GNG10: variants seen among roughly 807,000 people sequenced by gnomAD.
The protein encoded by GNG10 is guanine nucleotide-binding protein G(I)/G(S)/G(O) subunit gamma-10.
Under a neutral mutation model 6.8 loss-of-function variants are expected in GNG10, and 7 were observed. The ratio of observed to expected loss-of-function variants is 1.02; its 90% CI spans 0.58 to 1.92. The LOEUF is 1.92. GNG10 is among the 30% of genes most tolerant of loss of function. The probability of loss-of-function intolerance (pLI) is 0.00; values close to 1 mark genes in which losing one functional copy is unlikely to be tolerated. For synonymous variants in GNG10, 28 were observed against 34.8 expected, an observed-to-expected ratio of 0.80 and a Z score of 0.69; for missense variants, 57 against 86.1, an observed-to-expected ratio of 0.66 and a Z score of 1.34.
intron 1 of GNG10, among the ~76,000 whole-genome samples, chr9:111,664,398 T>C (rs1196851952): frequency 6.6e-6 from 1 of 152,154 alleles, no homozygotes; most frequent in Non-Finnish European, 1.5e-5. Context: ...CAGAGGTGTC[T>C]TCTCTTTGAC....
chr9:111,668,208 C>G (rs1361661458), intron 2 of GNG10, among the ~76,000 whole-genome samples: 1 of 151,990 alleles, frequency 6.6e-6, no homozygotes, highest in Non-Finnish European at 1.5e-5. Flanking sequence ...CTTTTGGGAC[C>G]AACATATTTC....
chr9:111,662,402 G>A (rs1830837661), intron 1 of GNG10, among the ~76,000 whole-genome samples: 1 of 152,040 alleles, frequency 6.6e-6, no homozygotes, highest in African/African-American at 2.4e-5. Context: ...CGAGAGAAGA[G>A]GAAATAAGAG....
At chr9:111,663,126 G>A (rs113692134) in intron 1 of GNG10, among the ~76,000 whole-genome samples, 1,731 of 152,286 alleles carry the variant, frequency 0.011, 39 homozygotes, top group African/African-American at 0.039. Context: ...CTTGTATGGT[G>A]ACACTTTTCT....
chr9:111,663,961 C>T (rs893937465), intron 1 of GNG10, among the ~76,000 whole-genome samples: 7 of 151,066 alleles, frequency 4.6e-5, no homozygotes, highest in East Asian at 1.9e-4. Flanking sequence ...GCTGGGATTA[C>T]GGGCACCTGC....
At chr9:111,664,145 G>A (rs768121372) in intron 1 of GNG10, among the ~76,000 whole-genome samples, 1 of 152,046 alleles carries the variant, frequency 6.6e-6, no homozygotes, top group Non-Finnish European at 1.5e-5. Context: ...GGAAAGATGT[G>A]CTTATCTACC....
Position 111,666,801 on chromosome 9 carries a change from TC to T in GNG10, c.82-11del. 6.2e-7 allele frequency: 1 copy of T among 1,611,442 alleles called. No individual in the cohort carries two copies. The highest frequency in any genetic ancestry group is 1.3e-5 in the African/African-American group (1 of 74,988). ...CTGTGAGCAGGGTGCCATGTTGCTG[TC>T]CCTTTGTTTCAGGTCTCTCAGGCAG... On this transcript the variant is annotated splice_polypyrimidine_tract_variant and intron_variant, in intron 1 of 2. Transcript: ENST00000374293.
Position 111,669,992 on chromosome 9 carries a change from A to C in GNG10, c.*730A>C, listed in dbSNP as rs1008488947. Reference sequence around the variant, plus strand: ...TGCTTTGTAGTTGTGGCTGTACTTAAAGAAATACAGAATTTCATATATTTA... The same window carrying C: ...TGCTTTGTAGTTGTGGCTGTACTTACAGAAATACAGAATTTCATATATTTA... On this transcript the variant is annotated 3_prime_UTR_variant, in exon 3 of 3. Transcript: ENST00000374293. The C allele has an allele frequency of 2.7e-5, 4 of 150,216 alleles. No homozygotes were observed. Among genetic ancestry groups the C allele is most frequent in the African/African-American group, 9.9e-5 (4 of 40,422 alleles). 9.3% of individuals were successfully genotyped at this position (150,216 alleles called of 1,614,324 possible).
rs889688154 is a variant in GNG10, at chr9:111,669,657, A to T, written c.*395A>T. ...AAGGAAAATAGTTTTGTTTATTTAA[A>T]CAACTGAATACTTATAAACTGTTGT... On this transcript the variant is annotated 3_prime_UTR_variant, in exon 3 of 3. Coordinates refer to ENST00000374293, the MANE Select transcript of GNG10 (RefSeq NM_001017998.4). The T allele has an allele frequency of 3.3e-5, 4 of 121,546 alleles. No individual in the cohort carries two copies. The Admixed American group carries it at 3.7e-4, about 11-fold the overall frequency. The allele number at this position is 121,546 out of a possible 1,614,324, so 7.5% of individuals were successfully genotyped here.
intron 1 of GNG10, among the ~76,000 whole-genome samples, chr9:111,665,310 G>A (rs940700920): frequency 6.6e-6 from 1 of 152,044 alleles, no homozygotes. Context: ...TAATGATATT[G>A]TATCAGTTAG....
chr9:111,666,957 A>G lies in GNG10; in HGVS notation c.*6+11A>G. ...TTACTCTGAAGACTCGTGAGTAATG[A>G]TACACCATGATGTCTTGGGCCCATA... On this transcript the variant is annotated intron_variant, in intron 2 of 2. Transcript: ENST00000374293. The G allele has an allele frequency of 6.2e-7, 1 of 1,613,922 alleles. No homozygotes were observed. Among genetic ancestry groups the G allele is most frequent in the South Asian group, 1.1e-5 (1 of 91,068 alleles).
Position 111,661,775 on chromosome 9 carries a change from GCCGGCGGCCCGGA to G in GNG10, c.81+65_81+77del. On this transcript the variant is annotated intron_variant, in intron 1 of 2. Transcript: ENST00000374293. The surrounding 1 kb of genome is among the most constrained non-coding windows in gnomAD (Gnocchi z 6.1). ...CGCCCGCGGGGCGTGAGAAGAGGAG[GCCGGCGGCCCGGA>G]CCGGGCGCCAGCGGGGGACTCGGTG... is the stretch of plus-strand genomic sequence containing the variant. 2 of 1,070,474 alleles carry G rather than the reference GCCGGCGGCCCGGA, an allele frequency of 1.9e-6. No homozygotes were observed. Among genetic ancestry groups the G allele is most frequent in the Non-Finnish European group, 2.4e-6 (2 of 830,708 alleles). The allele number at this position is 1,070,474 out of a possible 1,614,324, so 66.3% of individuals were successfully genotyped here.
chr9:111,668,851 G>A (rs1039582690), intron 2 of GNG10, among the ~76,000 whole-genome samples: 1 of 151,600 alleles, frequency 6.6e-6, no homozygotes, highest in Admixed American at 6.6e-5. Context: ...GTATTCACCT[G>A]TTACTTTCAT....
chr9:111,663,701 T>C (rs1830857565), intron 1 of GNG10, among the ~76,000 whole-genome samples: 1 of 151,392 alleles, frequency 6.6e-6, no homozygotes, highest in Non-Finnish European at 1.5e-5. Context: ...GTCAGGGAAC[T>C]GAAATGAGGG....
intron 2 of GNG10, among the ~76,000 whole-genome samples, chr9:111,667,920 G>A (rs1225821258): frequency 2.6e-5 from 4 of 151,764 alleles, no homozygotes; most frequent in African/African-American, 7.3e-5. Flanking sequence ...GCGGTGGCGC[G>A]ATCTTGGCTC....
Position 111,666,631 on chromosome 9 carries a change from C to T in GNG10, c.82-184C>T, listed in dbSNP as rs1830903562. Among the ~76,000 whole-genome samples, 3 of 152,188 alleles carry T rather than the reference C, an allele frequency of 2.0e-5. 1 individual carries two copies. The South Asian group carries it at 6.2e-4, about 32-fold the overall frequency. On this transcript the variant is annotated intron_variant, in intron 1 of 2. Transcript: ENST00000374293. ...CTAAACCAAAAAATATCTAAATTGACGTTCATGGAAATTGTAACCTTTTCT... is the reference window on the plus strand; with the variant it reads ...CTAAACCAAAAAATATCTAAATTGATGTTCATGGAAATTGTAACCTTTTCT...
At chr9:111,663,683 G>C (rs1830857230) in intron 1 of GNG10, among the ~76,000 whole-genome samples, 1 of 152,140 alleles carries the variant, frequency 6.6e-6, no homozygotes, top group South Asian at 2.1e-4. Flanking sequence ...GCTGTTTGAG[G>C]GGAAGAAGTC....
intron 2 of GNG10, among the ~76,000 whole-genome samples, chr9:111,667,613 C>T (rs748743745): frequency 6.6e-6 from 1 of 152,114 alleles, no homozygotes; most frequent in Non-Finnish European, 1.5e-5. Context: ...TATCAACTGA[C>T]TTGCTACTCT....
chr9:111,662,710 A>T (rs1423474784), intron 1 of GNG10, among the ~76,000 whole-genome samples: 1 of 152,184 alleles, frequency 6.6e-6, no homozygotes. Flanking sequence ...GTAAACAGCA[A>T]CTTAACGGAT....
chr9:111,665,510 C>T (rs1215400125), intron 1 of GNG10, among the ~76,000 whole-genome samples: 1 of 152,114 alleles, frequency 6.6e-6, no homozygotes, highest in East Asian at 1.9e-4. Context: ...AGAATGGCCT[C>T]ACTCACAGGT....
Sources: gnomAD v4.1 joint callset for allele counts (sites outside exome capture counted in the v4.1 genomes callset) on GRCh38, gnomAD v4.1.1 for gene constraint, Gnocchi (gnomAD v3.1) non-coding constraint, MANE v1.5 for transcripts, NCBI Gene and HGNC (gene_info 2026-07-23, HGNC 2026-07-21) for gene names.